The following NRG1 variants were observed in gnomAD, a reference collection of about 807,000 sequenced individuals.
NRG1 encodes pro-neuregulin-1, membrane-bound isoform.
Under a neutral mutation model 63.8 loss-of-function variants are expected in NRG1, and 18 were observed. That is an observed-to-expected ratio of 0.28 (90% CI 0.19 to 0.42). The LOEUF is 0.42. Among genes scored for constraint, NRG1 ranks in the 10% least tolerant of loss-of-function variants. The pLI, the probability that NRG1 is intolerant of heterozygous loss-of-function variation, is 1.00. For synonymous variants in NRG1, 302 were observed against 301.3 expected (o/e 1.00, Z -0.02); for missense variants, 762 against 814.7 (o/e 0.94, Z 0.79).
chr8:32,183,605 A>G (rs184239197), intron 1 of NRG1, among the ~76,000 whole-genome samples: 1 of 152,296 alleles, frequency 6.6e-6, no homozygotes, highest in Non-Finnish European at 1.5e-5. Context: ...TAACATTCTC[A>G]CAAAACAGGA....
intron 1 of NRG1, among the ~76,000 whole-genome samples, chr8:31,837,138 T>C (rs1825754510): frequency 6.6e-6 from 1 of 152,080 alleles, no homozygotes; most frequent in Admixed American, 6.6e-5. Flanking sequence ...GGAGCTTTTA[T>C]ATATAAGACA....
chr8:32,544,631 T>C (rs892995557), upstream of NRG1, among the ~76,000 whole-genome samples: 5 of 150,198 alleles, frequency 3.3e-5, no homozygotes, highest in South Asian at 2.1e-4. Flanking sequence ...AACCTCCCAG[T>C]AGCTGGGACT....
At chr8:32,540,569 A>AT (rs1470721690) in intron 1 of NRG1, among the ~76,000 whole-genome samples, 2 of 152,178 alleles carry the variant, frequency 1.3e-5, no homozygotes, top group Non-Finnish European at 2.9e-5. Context: ...TACTGAAATA[A>AT]TTTTTTTGTG....
chr8:32,493,505 C>T (rs187808375), intron 1 of NRG1, among the ~76,000 whole-genome samples: 8 of 152,234 alleles, frequency 5.3e-5, no homozygotes, highest in African/African-American at 1.9e-4. Context: ...TTACCTCTTC[C>T]TAGACATCCA....
rs188598911 is a variant in NRG1 at position 31,887,787 on chromosome 8, C to T, written c.37+248356C>T. Among the ~76,000 whole-genome samples, 34 of 151,972 alleles carry T rather than the reference C, an allele frequency of 2.2e-4. No homozygotes were observed. In the East Asian group the frequency reaches 5.6e-3, roughly 25 times the overall value. Reference sequence around the variant, plus strand: ...AATGTTAACCAGCTATTCTACAACTCGACTGGGGATAGAAATAGCTTTAAA... The same window carrying T: ...AATGTTAACCAGCTATTCTACAACTTGACTGGGGATAGAAATAGCTTTAAA... On this transcript the variant is annotated intron_variant, in intron 1 of 10. Transcript: ENST00000519301.
intron 1 of NRG1, among the ~76,000 whole-genome samples, chr8:31,967,113 C>A (rs948114758): frequency 1.3e-5 from 2 of 152,050 alleles, no homozygotes; most frequent in Admixed American, 6.6e-5. Flanking sequence ...AAAAACCAGG[C>A]TGTGGATGGC....
chr8:32,303,183 CCAAAAAAA>C (rs1306842499), intron 1 of NRG1, among the ~76,000 whole-genome samples: 12 of 59,708 alleles, frequency 2.0e-4, no homozygotes, highest in Middle Eastern at 0.015. Flanking sequence ...AACTCAGTCT[CCAAAAAAA>C]AAAAAAAAAA....
chr8:31,689,500 C>T (rs538348826), intron 1 of NRG1, among the ~76,000 whole-genome samples: 1 of 152,202 alleles, frequency 6.6e-6, no homozygotes. Flanking sequence ...AAGTGTAAAG[C>T]CCCCTTGTTT....
chr8:32,614,792 G>A lies in NRG1; in HGVS notation c.451+228G>A, dbSNP rs1209000733. Among the ~76,000 whole-genome samples the A allele has an allele frequency of 2.0e-5, 3 of 152,108 alleles. No homozygotes were observed. In the East Asian group the frequency reaches 5.8e-4, roughly 29 times the overall value. On this transcript the variant is annotated intron_variant, in intron 4 of 11. Coordinates refer to ENST00000356819, the Ensembl canonical transcript of NRG1. ...GCCTGAGAAACATACATGAGTGAAA[G>A]AAATCTATATCTAGGTGCAACTTAA...
intron 1 of NRG1, among the ~76,000 whole-genome samples, chr8:31,763,903 T>C (rs1054515598): frequency 2.7e-5 from 4 of 149,522 alleles, no homozygotes; most frequent in African/African-American, 9.9e-5. Context: ...TGAGCCAAGA[T>C]CGCGCCACCA....
intron 1 of NRG1, among the ~76,000 whole-genome samples, chr8:32,325,087 C>T (rs1039518294): frequency 3.3e-5 from 5 of 152,076 alleles, no homozygotes; most frequent in Non-Finnish European, 7.4e-5. Flanking sequence ...ATCAATTATC[C>T]TTATTTATTA....
intron 1 of NRG1, among the ~76,000 whole-genome samples, chr8:32,137,241 T>G (rs561677310): frequency 3.3e-5 from 5 of 151,566 alleles, no homozygotes; most frequent in African/African-American, 1.2e-4. Context: ...AGGTCACGAG[T>G]TCAAGACCAG....
At chr8:32,188,346 C>T (rs919529124) in intron 1 of NRG1, among the ~76,000 whole-genome samples, 2 of 152,224 alleles carry the variant, frequency 1.3e-5, no homozygotes, top group African/African-American at 2.4e-5. Context: ...GGATTACAGG[C>T]GTGAACCACT....
intron 5 of NRG1, among the ~76,000 whole-genome samples, chr8:32,661,504 TTTTAC>T (rs1802840324): frequency 6.6e-6 from 1 of 152,186 alleles, no homozygotes; most frequent in Non-Finnish European, 1.5e-5. Flanking sequence ...AATCAAAATA[TTTTAC>T]TTTACTCATG....
chr8:32,283,480 G>C (rs1853132007), intron 1 of NRG1, among the ~76,000 whole-genome samples: 1 of 152,144 alleles, frequency 6.6e-6, no homozygotes, highest in South Asian at 2.1e-4. Flanking sequence ...AACACGGGTA[G>C]GAGTTATCCC....
At chr8:32,104,827 A>G (rs1831052183) in intron 1 of NRG1, among the ~76,000 whole-genome samples, 1 of 152,070 alleles carries the variant, frequency 6.6e-6, no homozygotes, top group South Asian at 2.1e-4. Context: ...AATAACAAGC[A>G]CGAAGCTGTC....
chr8:32,377,736 C>T (rs4457294), intron 1 of NRG1, among the ~76,000 whole-genome samples: 1 of 152,068 alleles, frequency 6.6e-6, no homozygotes, highest in East Asian at 1.9e-4. Flanking sequence ...GTATCTGAAC[C>T]AATGTATCCA....
intron 1 of NRG1, among the ~76,000 whole-genome samples, chr8:31,938,500 T>C (rs187485444): frequency 2.6e-5 from 4 of 152,182 alleles, no homozygotes; most frequent in Admixed American, 2.0e-4. Context: ...AAAATAAGGT[T>C]ATTTAACACC....
intron 1 of NRG1, among the ~76,000 whole-genome samples, chr8:32,264,913 A>T (rs1850759684): frequency 6.6e-6 from 1 of 152,158 alleles, no homozygotes; most frequent in Non-Finnish European, 1.5e-5. Flanking sequence ...TGCAAAGAAA[A>T]AGTTCAACGG....
Sources: gnomAD v4.1 joint callset for allele counts (sites outside exome capture counted in the v4.1 genomes callset) on GRCh38, gnomAD v4.1.1 for gene constraint, MANE v1.5 for transcripts, NCBI Gene and HGNC (gene_info 2026-07-23, HGNC 2026-07-21) for gene names.